Variants in KIAA1217 observed in about 807,000 individuals in gnomAD.
KIAA1217 encodes sickle tail protein homolog.
In KIAA1217, 88 loss-of-function variants were observed where a neutral mutation model predicts 163.9. That is an observed-to-expected ratio of 0.54 (90% CI 0.45 to 0.64). KIAA1217 has a LOEUF of 0.64. Among genes scored for constraint, KIAA1217 ranks in the 30% least tolerant of loss-of-function variants. KIAA1217 has a pLI of 0.00. For synonymous variants in KIAA1217, 903 were observed against 923.1 expected, an observed-to-expected ratio of 0.98 and a Z score of 0.39; for missense variants, 2,372 against 2,475.0, an observed-to-expected ratio of 0.96 and a Z score of 0.88.
At chr10:24,312,328 G>T (rs1458470999) in intron 2 of KIAA1217, among the ~76,000 whole-genome samples, 2 of 148,232 alleles carry the variant, frequency 1.3e-5, no homozygotes. Context: ...AAAAAAAAAA[G>T]GCTGGGGCCA....
chr10:24,231,473 A>G (rs902613335), intron 2 of KIAA1217, among the ~76,000 whole-genome samples: 7 of 152,202 alleles, frequency 4.6e-5, no homozygotes, highest in African/African-American at 1.7e-4. Context: ...AGAATTTACA[A>G]TATTGTATGT....
intron 1 of KIAA1217, among the ~76,000 whole-genome samples, chr10:23,775,626 A>T (rs912747111): frequency 4.6e-5 from 7 of 152,192 alleles, no homozygotes; most frequent in Admixed American, 2.6e-4. Context: ...GCCAACGTTA[A>T]TTATCCCTTT....
chr10:24,089,309 A>G lies in KIAA1217; in HGVS notation c.-171+81935A>G, dbSNP rs565250597. On this transcript the variant is annotated intron_variant, in intron 2 of 18. Transcript: ENST00000376462. ...AAGCTCTTTAGTTTAATTAGATCCC[A>G]TTTGTCAATTTTGGCTTTTGTTGCC... is the stretch of plus-strand genomic sequence containing the variant. Among the ~76,000 whole-genome samples, 117 of 124,678 alleles carry G rather than the reference A, an allele frequency of 9.4e-4. 32 individuals are homozygous for G. Among genetic ancestry groups the G allele is most frequent in the Non-Finnish European group, 1.7e-3 (85 of 50,420 alleles). 81.8% of individuals were successfully genotyped at this position (124,678 alleles called of 152,430 possible).
intron 2 of KIAA1217, among the ~76,000 whole-genome samples, chr10:24,378,859 G>A (rs2052899401): frequency 6.6e-6 from 1 of 152,134 alleles, no homozygotes; most frequent in Admixed American, 6.5e-5. Flanking sequence ...CTATGTTTAG[G>A]AAGTGAGGGG....
chr10:24,155,531 A>G (rs2064833399), intron 2 of KIAA1217, among the ~76,000 whole-genome samples: 1 of 152,176 alleles, frequency 6.6e-6, no homozygotes, highest in South Asian at 2.1e-4. Context: ...TTTTCAAAAA[A>G]TGTCAGGGGC....
chr10:23,856,932 G>A (rs138313586), intron 1 of KIAA1217, among the ~76,000 whole-genome samples: 1,759 of 152,318 alleles, frequency 0.012, 35 homozygotes, highest in African/African-American at 0.04. Context: ...CTTTGACTAG[G>A]AAAGGGAACT....
intron 2 of KIAA1217, among the ~76,000 whole-genome samples, chr10:24,182,326 C>T (rs1435880858): frequency 6.6e-6 from 1 of 152,062 alleles, no homozygotes; most frequent in African/African-American, 2.4e-5. Flanking sequence ...GTGCCAGCTA[C>T]GCGGGAGGCT....
chr10:24,487,860 C>T (rs1036275087), intron 6 of KIAA1217, among the ~76,000 whole-genome samples: 6 of 152,170 alleles, frequency 3.9e-5, no homozygotes, highest in Admixed American at 6.5e-5. Context: ...GCCTTTTCTT[C>T]TCATTTATTA....
chr10:24,131,242 C>T (rs930289502), intron 2 of KIAA1217, among the ~76,000 whole-genome samples: 2 of 152,144 alleles, frequency 1.3e-5, no homozygotes, highest in African/African-American at 2.4e-5. Context: ...TCTTCGATTA[C>T]GTGGTGTTTC....
intron 1 of KIAA1217, among the ~76,000 whole-genome samples, chr10:23,751,357 C>A (rs1839729162): frequency 6.6e-6 from 1 of 152,062 alleles, no homozygotes; most frequent in African/African-American, 2.4e-5. Context: ...TGTGAGGTGT[C>A]CCATGCACCA....
intron 1 of KIAA1217, among the ~76,000 whole-genome samples, chr10:23,784,189 A>G (rs1283975673): frequency 6.6e-6 from 1 of 151,966 alleles, no homozygotes; most frequent in East Asian, 1.9e-4. Context: ...TTAATAGTGA[A>G]CTTCTTTGTT....
chr10:24,323,130 A>T (rs1564471050), intron 2 of KIAA1217, among the ~76,000 whole-genome samples: 1 of 147,058 alleles, frequency 6.8e-6, no homozygotes, highest in African/African-American at 2.5e-5. Flanking sequence ...AAAAAAAAAA[A>T]TGTTTTTGTA....
chr10:23,901,370 C>G (rs886950101), intron 1 of KIAA1217, among the ~76,000 whole-genome samples: 1 of 152,050 alleles, frequency 6.6e-6, no homozygotes, highest in Non-Finnish European at 1.5e-5. Context: ...CAGTCTTATA[C>G]TTTAACTGGC....
intron 1 of KIAA1217, among the ~76,000 whole-genome samples, chr10:24,213,084 T>G (rs929793430): frequency 6.6e-6 from 1 of 152,180 alleles, no homozygotes; most frequent in African/African-American, 2.4e-5. Context: ...CAAACTGGGG[T>G]ATATGATCAC....
At chr10:23,855,963 C>T (rs879276715) in intron 1 of KIAA1217, among the ~76,000 whole-genome samples, 2 of 152,224 alleles carry the variant, frequency 1.3e-5, no homozygotes, top group East Asian at 3.9e-4. Flanking sequence ...TGAATTTTCT[C>T]CTGTAGCTCG....
intron 1 of KIAA1217, among the ~76,000 whole-genome samples, chr10:23,741,436 A>G (rs914340035): frequency 6.6e-6 from 1 of 152,100 alleles, no homozygotes; most frequent in Admixed American, 6.5e-5. Flanking sequence ...TGCAATTGGA[A>G]TGATTCTGAC....
At chr10:24,006,391 G>A (rs1215036444) in intron 1 of KIAA1217, among the ~76,000 whole-genome samples, 3 of 152,014 alleles carry the variant, frequency 2.0e-5, no homozygotes, top group African/African-American at 7.2e-5. Flanking sequence ...ATCCTAAGAG[G>A]AGTTTACAGA....
intron 2 of KIAA1217, among the ~76,000 whole-genome samples, chr10:24,094,163 C>A (rs1315974791): frequency 2.0e-5 from 3 of 152,050 alleles, no homozygotes; most frequent in Non-Finnish European, 4.4e-5. Context: ...TCGGTATATA[C>A]CTAGTAATGG....
chr10:24,536,488 C>A lies in KIAA1217; in HGVS notation c.3415-286C>A, dbSNP rs562704784. On this transcript the variant is annotated intron_variant, in intron 16 of 20. Coordinates refer to ENST00000376454, the MANE Select transcript of KIAA1217 (RefSeq NM_019590.5). The stretch of plus-strand genomic sequence containing the variant: ...TCAAAGCAAGAAGCCCTCCTAAGTA[C>A]CAATTTATGTTCACCCCAGACAGGC... Among the ~76,000 whole-genome samples, 5 of 152,192 alleles carry A rather than the reference C, an allele frequency of 3.3e-5. No homozygotes were observed. The East Asian group carries it at 9.7e-4, about 29-fold the overall frequency.
Sources: allele counts gnomAD v4.1 joint callset (sites outside exome capture counted in the v4.1 genomes callset), GRCh38; gene constraint gnomAD v4.1.1; transcripts MANE v1.5; gene names NCBI Gene and HGNC (gene_info 2026-07-23, HGNC 2026-07-21).